The following NRG3 variants were observed in gnomAD, a reference collection of about 807,000 sequenced individuals.
The protein encoded by NRG3 is neuregulin 3.
In NRG3, 31 loss-of-function variants were observed where a neutral mutation model predicts 66.9. That is an observed-to-expected ratio of 0.46 (90% CI 0.35 to 0.63). The LOEUF (loss-of-function observed/expected upper bound fraction) is 0.63. Among genes scored for constraint, NRG3 ranks in the 20% least tolerant of loss-of-function variants. The pLI, the probability that NRG3 is intolerant of heterozygous loss-of-function variation, is 0.00. For synonymous variants in NRG3, 393 were observed against 359.4 expected (o/e 1.09, Z -1.06); for missense variants, 910 against 878.9 (o/e 1.04, Z -0.45).
intron 1 of NRG3, among the ~76,000 whole-genome samples, chr10:82,097,424 AATATAT>A (rs3036602): frequency 7.9e-5 from 11 of 140,014 alleles, no homozygotes; most frequent in African/African-American, 1.9e-4. Flanking sequence ...ATATATCTGT[AATATAT>A]ATATATATAT....
intron 2 of NRG3, among the ~76,000 whole-genome samples, chr10:82,514,955 T>G (rs1280063134): frequency 2.0e-5 from 3 of 152,262 alleles, no homozygotes; most frequent in Middle Eastern, 6.8e-3. Context: ...AATGTTCATC[T>G]ATGTCTTCCT....
At chr10:82,281,538 G>A (rs970387951) in intron 1 of NRG3, among the ~76,000 whole-genome samples, 4 of 152,096 alleles carry the variant, frequency 2.6e-5, no homozygotes, top group African/African-American at 4.8e-5. Context: ...GGGATGGGGT[G>A]GAACTGACTC....
rs186835013 is a variant in NRG3, at chr10:82,436,009, T to C, written c.953+77141T>C. Among the ~76,000 whole-genome samples, 4 of 152,218 alleles carry C rather than the reference T, an allele frequency of 2.6e-5. No individual in the cohort carries two copies. The East Asian group carries it at 7.7e-4, about 29-fold the overall frequency. The stretch of plus-strand genomic sequence containing the variant: ...CATGTGGCACTGAGAAGAATATATA[T>C]TCTGTTGATTTGGGGTAGAGAGTTC... On this transcript the variant is annotated intron_variant, in intron 2 of 8. Coordinates refer to ENST00000372141, the MANE Select transcript of NRG3 (RefSeq NM_001010848.4).
At chr10:81,900,220 T>C (rs184229205) in intron 1 of NRG3, among the ~76,000 whole-genome samples, 24 of 147,126 alleles carry the variant, frequency 1.6e-4, no homozygotes, top group African/African-American at 2.7e-4. Flanking sequence ...AAGTGTGGGA[T>C]TACAGGCATG....
chr10:82,979,227 C>A, intron 8 of NRG3, 107 bp downstream of exon 8: 1 of 1,166,856 alleles, frequency 8.6e-7, no homozygotes, highest in Non-Finnish European at 1.2e-6. Context: ...TATTCATTAA[C>A]TGGCTATATA....
intron 2 of NRG3, among the ~76,000 whole-genome samples, chr10:82,627,606 TAA>T (rs1246038113): frequency 6.6e-6 from 1 of 152,196 alleles, no homozygotes; most frequent in Non-Finnish European, 1.5e-5. Flanking sequence ...AGACTCCTTT[TAA>T]TTATCTTTAC....
intron 1 of NRG3, among the ~76,000 whole-genome samples, chr10:82,079,371 C>G (rs1376948878): frequency 1.3e-5 from 2 of 152,138 alleles, no homozygotes; most frequent in East Asian, 3.9e-4. Context: ...TTTAGGTTCA[C>G]AGCAAAATTG....
At chr10:82,334,828 G>A (rs1228750063) in intron 1 of NRG3, among the ~76,000 whole-genome samples, 2 of 151,928 alleles carry the variant, frequency 1.3e-5, no homozygotes, top group Non-Finnish European at 2.9e-5. Context: ...ATTAATTCAA[G>A]CATACTTTAT....
At chr10:82,327,604 A>T (rs1483896339) in intron 1 of NRG3, among the ~76,000 whole-genome samples, 1 of 152,152 alleles carries the variant, frequency 6.6e-6, no homozygotes, top group Non-Finnish European at 1.5e-5. Flanking sequence ...CAAAAAAATG[A>T]TACTGCAGCT....
chr10:82,845,826 A>T (rs986913630), intron 3 of NRG3, among the ~76,000 whole-genome samples: 6 of 152,202 alleles, frequency 3.9e-5, no homozygotes, highest in African/African-American at 1.4e-4. Flanking sequence ...ACTAAGAAGG[A>T]ATATTAATGC....
chr10:82,314,016 A>G (rs969135969), intron 1 of NRG3, among the ~76,000 whole-genome samples: 1 of 152,232 alleles, frequency 6.6e-6, no homozygotes, highest in African/African-American at 2.4e-5. Context: ...CTAACCAGCT[A>G]TATAGCCTTG....
intron 2 of NRG3, among the ~76,000 whole-genome samples, chr10:82,699,250 G>A (rs956463367): frequency 2.8e-4 from 41 of 148,190 alleles, no homozygotes; most frequent in South Asian, 4.3e-4. Flanking sequence ...GAAGGAAAGA[G>A]GGAAGGAAGG....
At chr10:82,684,434 A>G (rs1467531708) in intron 2 of NRG3, among the ~76,000 whole-genome samples, 2 of 152,212 alleles carry the variant, frequency 1.3e-5, no homozygotes, top group African/African-American at 4.8e-5. Context: ...TTTGGGGGAT[A>G]TATCTTTCTA....
At chr10:82,619,679 C>T (rs978207740) in intron 2 of NRG3, among the ~76,000 whole-genome samples, 8 of 151,980 alleles carry the variant, frequency 5.3e-5, no homozygotes, top group African/African-American at 9.7e-5. Context: ...ATGTTTAAAG[C>T]GGTAATAAGG....
chr10:82,894,565 G>C (rs527750224), intron 4 of NRG3, among the ~76,000 whole-genome samples: 115 of 68,550 alleles, frequency 1.7e-3, no homozygotes, highest in Admixed American at 3.3e-3. Context: ...TTTTTCTCCT[G>C]TACTTAGAGT....
chr10:82,595,483 AGC>A (rs2047217065), intron 2 of NRG3, among the ~76,000 whole-genome samples: 1 of 152,158 alleles, frequency 6.6e-6, no homozygotes, highest in Non-Finnish European at 1.5e-5. Context: ...TGCACAACAT[AGC>A]ATGTTAGAAA....
rs58538624 is a variant in NRG3, at chr10:82,166,999, G to A, written c.824-191740G>A. On this transcript the variant is annotated intron_variant, in intron 1 of 8. Coordinates refer to ENST00000372141, the MANE Select transcript of NRG3 (RefSeq NM_001010848.4). ...TTATCTTTGTTCCTATGTATGTAAC[G>A]CATCTTTTCTCTCTGCCTGTTTGTA... Among the ~76,000 whole-genome samples, 770 of 151,726 alleles carry A rather than the reference G, an allele frequency of 5.1e-3. 5 individuals are homozygous for A. Among genetic ancestry groups the A allele is most frequent in the African/African-American group, 0.017 (724 of 41,412 alleles).
chr10:82,238,272 TAG>T (rs1186798050), intron 1 of NRG3, among the ~76,000 whole-genome samples: 1 of 151,978 alleles, frequency 6.6e-6, no homozygotes, highest in African/African-American at 2.4e-5. Context: ...TCAATAAGTA[TAG>T]CAATCCTATA....
rs1261773103 is a variant in NRG3 at position 82,588,648 on chromosome 10, GC to G, written c.954-149926del. On this transcript the variant is annotated intron_variant, in intron 2 of 8. Coordinates refer to ENST00000372141, the MANE Select transcript of NRG3 (RefSeq NM_001010848.4). ...CTCCCGAGTAGCTGGGACCACAGGT[GC>G]CCAACACCACGCCCAGCTAATTTTT... Among the ~76,000 whole-genome samples the G allele has an allele frequency of 2.0e-5, 3 of 152,006 alleles. No individual in the cohort carries two copies. In the East Asian group the frequency reaches 5.8e-4, roughly 29 times the overall value.
Sources: allele counts gnomAD v4.1 joint callset (sites outside exome capture counted in the v4.1 genomes callset), GRCh38; gene constraint gnomAD v4.1.1; transcripts MANE v1.5; gene names NCBI Gene and HGNC (gene_info 2026-07-23, HGNC 2026-07-21).